The following ZNF609 variants were observed in gnomAD, a reference collection of about 807,000 sequenced individuals.
The protein encoded by ZNF609 is zinc finger protein 609.
In ZNF609, 11 loss-of-function variants were observed where a neutral mutation model predicts 109.5. The observed-to-expected ratio is 0.10, with a 90% CI of 0.06 to 0.17. ZNF609 has a LOEUF of 0.17. Among genes scored for constraint, ZNF609 ranks in the 10% least tolerant of loss-of-function variants. The pLI is 1.00. For missense variants in ZNF609, 1,559 were observed against 1,772.4 expected (o/e 0.88, Z 2.16); for synonymous variants, 646 against 662.0 (o/e 0.98, Z 0.37).
intron 1 of ZNF609, among the ~76,000 whole-genome samples, chr15:64,481,511 G>A (rs1893254425): frequency 6.6e-6 from 1 of 151,642 alleles, no homozygotes; most frequent in African/African-American, 2.4e-5. Flanking sequence ...GTAGAGGCGG[G>A]GTTTCTTCAT....
At position 64,686,036 on chromosome 15, in the gene ZNF609, T is replaced by C. The variant is rs2083238360; in HGVS notation, c.*4350T>C. On this transcript the variant is annotated 3_prime_UTR_variant, in exon 10 of 10. Coordinates refer to ENST00000326648, the MANE Select transcript of ZNF609 (RefSeq NM_015042.2). ...ATTTTTAAATTATTTGTTGTATTTA[T>C]TGAATAAAGTTTTTAATGTCCCTGT... is the stretch of plus-strand genomic sequence containing the variant. 6.6e-6 allele frequency: 1 copy of C among 152,214 alleles called. No individual in the cohort carries two copies. The highest frequency in any genetic ancestry group is 2.4e-5 in the African/African-American group (1 of 41,460). The allele number at this position is 152,214 out of a possible 1,614,324, so 9.4% of individuals were successfully genotyped here.
Position 64,586,197 on chromosome 15 carries a change from G to A in ZNF609, c.748-36630G>A, listed in dbSNP as rs188089474. Reference sequence around the variant, plus strand: ...AAAAATTAGCCGGGCGTGGTGGCACGCACCTGTAGTCCCAGCTACTCGGGA... The same window carrying A: ...AAAAATTAGCCGGGCGTGGTGGCACACACCTGTAGTCCCAGCTACTCGGGA... On this transcript the variant is annotated intron_variant, in intron 2 of 9. Transcript: ENST00000326648. Among the ~76,000 whole-genome samples, 41 of 151,950 alleles carry A rather than the reference G, an allele frequency of 2.7e-4. No individual in the cohort carries two copies. In the South Asian group the frequency reaches 7.7e-3, roughly 29 times the overall value.
intron 3 of ZNF609, among the ~76,000 whole-genome samples, chr15:64,651,581 G>A (rs986361033): frequency 1.3e-5 from 2 of 152,214 alleles, no homozygotes; most frequent in African/African-American, 4.8e-5. Context: ...CTATTATGAG[G>A]GATTAGATAG....
intron 2 of ZNF609, among the ~76,000 whole-genome samples, chr15:64,606,020 G>T (rs1895592688): frequency 6.7e-6 from 1 of 148,820 alleles, no homozygotes; most frequent in African/African-American, 2.5e-5. Flanking sequence ...CTCCCAAAGT[G>T]CTGGGATTAC....
intron 2 of ZNF609, chr15:64,529,408 C>T: frequency 1.3e-6 from 1 of 761,944 alleles, no homozygotes; most frequent in Non-Finnish European, 2.4e-6. Context: ...CCAGCATCAC[C>T]CCATTTGATT....
chr15:64,610,072 C>G (rs903394304), intron 2 of ZNF609, among the ~76,000 whole-genome samples: 4 of 151,956 alleles, frequency 2.6e-5, no homozygotes, highest in African/African-American at 9.7e-5. Flanking sequence ...GGTGAAGTGT[C>G]ACACCTGTAA....
chr15:64,661,944 CAAT>C (rs950274849), intron 3 of ZNF609, among the ~76,000 whole-genome samples: 3 of 152,056 alleles, frequency 2.0e-5, no homozygotes, highest in Admixed American at 6.6e-5. Flanking sequence ...TTGTCTAAAA[CAAT>C]AAATATTATC....
At chr15:64,513,598 T>C (rs1893764526) in intron 2 of ZNF609, among the ~76,000 whole-genome samples, 1 of 152,222 alleles carries the variant, frequency 6.6e-6, no homozygotes, top group African/African-American at 2.4e-5. Context: ...ACTGGCTCCA[T>C]GAATTCAACA....
At chr15:64,628,687 G>T (rs538954214) in intron 3 of ZNF609, among the ~76,000 whole-genome samples, 1 of 152,050 alleles carries the variant, frequency 6.6e-6, no homozygotes, top group East Asian at 1.9e-4. Flanking sequence ...GTGCAATGGC[G>T]TGATCTCGGC....
intron 3 of ZNF609, among the ~76,000 whole-genome samples, chr15:64,625,930 TATATATAGAGAGAG>T (rs1360250657): frequency 0.012 from 863 of 72,752 alleles, 5 homozygotes; most frequent in Non-Finnish European, 0.017. Flanking sequence ...TATATATATA[TATATATAGAGAGAG>T]AGAGAGAGAG....
At chr15:64,628,623 G>A (rs182951408) in intron 3 of ZNF609, among the ~76,000 whole-genome samples, 1 of 152,248 alleles carries the variant, frequency 6.6e-6, no homozygotes, top group Non-Finnish European at 1.5e-5. Flanking sequence ...CTGTAGAACA[G>A]GAGGAGCAGA....
chr15:64,501,419 C>A (rs1223054986), intron 2 of ZNF609: 3 of 152,300 alleles, frequency 2.0e-5, no homozygotes, highest in African/African-American at 7.2e-5. Context: ...GTTTCTTCCA[C>A]TAATAATACA....
chr15:64,563,879 C>T (rs1354220693), intron 2 of ZNF609, among the ~76,000 whole-genome samples: 3 of 152,070 alleles, frequency 2.0e-5, no homozygotes, highest in Admixed American at 2.0e-4. Context: ...AGTCGCCGTG[C>T]CCGGCCTATT....
At chr15:64,560,436 A>G (rs1473872996) in intron 2 of ZNF609, among the ~76,000 whole-genome samples, 2 of 149,632 alleles carry the variant, frequency 1.3e-5, no homozygotes, top group Non-Finnish European at 3.0e-5. Flanking sequence ...GATAGTGTTT[A>G]TTTATTGTTC....
intron 2 of ZNF609, among the ~76,000 whole-genome samples, chr15:64,540,379 A>G (rs1159203057): frequency 1.3e-5 from 2 of 152,052 alleles, no homozygotes; most frequent in African/African-American, 2.4e-5. Flanking sequence ...TTTGATACAG[A>G]TAGGTTTTTT....
intron 3 of ZNF609, among the ~76,000 whole-genome samples, chr15:64,640,294 T>C (rs889136291): frequency 6.6e-6 from 1 of 152,180 alleles, no homozygotes; most frequent in Non-Finnish European, 1.5e-5. Flanking sequence ...CATCTTGGCC[T>C]CCCAACATGC....
chr15:64,561,273 A>T (rs546669091), intron 2 of ZNF609, among the ~76,000 whole-genome samples: 1 of 152,060 alleles, frequency 6.6e-6, no homozygotes, highest in South Asian at 2.1e-4. Flanking sequence ...CTACTTTCTG[A>T]TATTGTCATC....
At chr15:64,591,430 A>C (rs919501140) in intron 2 of ZNF609, among the ~76,000 whole-genome samples, 4 of 151,990 alleles carry the variant, frequency 2.6e-5, no homozygotes, top group African/African-American at 9.7e-5. Flanking sequence ...TCTATCTCAA[A>C]AAACAAACAA....
At chr15:64,486,890 A>G (rs894140669) in intron 1 of ZNF609, among the ~76,000 whole-genome samples, 1 of 152,118 alleles carries the variant, frequency 6.6e-6, no homozygotes, top group Non-Finnish European at 1.5e-5. Context: ...GTGAGCCACT[A>G]CGCCTGGCCT....
Sources: allele counts gnomAD v4.1 joint callset (sites outside exome capture counted in the v4.1 genomes callset), GRCh38; gene constraint gnomAD v4.1.1; transcripts MANE v1.5; gene names NCBI Gene and HGNC (gene_info 2026-07-23, HGNC 2026-07-21).